Variants in PCDHGB3 observed in about 807,000 individuals in gnomAD.
PCDHGB3 encodes the protein protocadherin gamma subfamily B, 3.
In PCDHGB3, 40 loss-of-function variants were observed where a neutral mutation model predicts 59.2. The ratio of observed to expected loss-of-function variants is 0.68; its 90% CI spans 0.52 to 0.88. PCDHGB3 has a LOEUF of 0.88. Ranked by LOEUF, PCDHGB3 falls within the 40% of genes least tolerant of loss-of-function variation. PCDHGB3 has a pLI of 0.00. For synonymous variants in PCDHGB3, 581 were observed against 503.6 expected (o/e 1.15, Z -2.06); for missense variants, 1,309 against 1,187.9 (o/e 1.10, Z -1.50).
At chr5:141,399,398 G>T (rs1374441258) in intron 1 of PCDHGB3, 4 of 1,613,854 alleles carry the variant, frequency 2.5e-6, no homozygotes, top group Non-Finnish European at 3.4e-6. Flanking sequence ...ACAGACAGGG[G>T]CAAGCCGCCC....
At chr5:141,401,417 G>A (rs1404967672) in intron 1 of PCDHGB3, among the ~76,000 whole-genome samples, 1 of 152,136 alleles carries the variant, frequency 6.6e-6, no homozygotes, top group Non-Finnish European at 1.5e-5. Flanking sequence ...GAAAGAGAGA[G>A]ACTGATTCAC....
intron 1 of PCDHGB3, among the ~76,000 whole-genome samples, chr5:141,445,447 A>C (rs974383838): frequency 6.6e-6 from 1 of 152,222 alleles, no homozygotes; most frequent in Non-Finnish European, 1.5e-5. Flanking sequence ...TGGACTAAGG[A>C]TGCAGCAATG....
chr5:141,415,740 G>GTTTTTTTTTT lies in PCDHGB3; in HGVS notation c.2415+42954_2415+42963dup, dbSNP rs57426385. 90 of 625,044 alleles carry GTTTTTTTTTT rather than the reference G, an allele frequency of 1.4e-4. 1 individual carries two copies. The highest frequency in any genetic ancestry group is 4.1e-4 in the East Asian group (6 of 14,742). The allele number at this position is 625,044 out of a possible 1,614,324, so 38.7% of individuals were successfully genotyped here. On this transcript the variant is annotated intron_variant, in intron 1 of 3. Coordinates refer to ENST00000576222, the MANE Select transcript of PCDHGB3 (RefSeq NM_018924.5). ...TGAGTAGAATTTGATGTTTATTAAG[G>GTTTTTTTTTT]TTTTTTTTTTTTTTTTTTTTTTTTT...
At position 141,431,848 on chromosome 5, in the gene PCDHGB3, G is replaced by A. The variant is rs747401379; in HGVS notation, c.2415+59039G>A. 11 of 1,614,142 alleles carry A rather than the reference G, an allele frequency of 6.8e-6. No homozygotes were observed. The highest frequency in any genetic ancestry group is 2.2e-5 in the East Asian group (1 of 44,906). On this transcript the variant is annotated intron_variant, in intron 1 of 3. Coordinates refer to ENST00000576222, the MANE Select transcript of PCDHGB3 (RefSeq NM_018924.5). The surrounding 1 kb of genome is among the most constrained non-coding windows in gnomAD (Gnocchi z 4.8). ...CGGTTCCCGAAAACTCTCCCAGAGGGACATTAATTGCCCTTTTAAATGTAA... is the reference window on the plus strand; with the variant it reads ...CGGTTCCCGAAAACTCTCCCAGAGGAACATTAATTGCCCTTTTAAATGTAA...
intron 2 of PCDHGB3, among the ~76,000 whole-genome samples, chr5:141,495,279 G>C (rs72790069): frequency 0.027 from 4,092 of 152,256 alleles, 88 homozygotes; most frequent in Middle Eastern, 0.048. Flanking sequence ...CGGAGGAGGC[G>C]GTCCGCACTC....
At chr5:141,483,955 G>A (rs1244162791) in intron 1 of PCDHGB3, among the ~76,000 whole-genome samples, 1 of 144,218 alleles carries the variant, frequency 6.9e-6, no homozygotes, top group African/African-American at 2.6e-5. Flanking sequence ...ATTGTGTTGT[G>A]TTTCTGTGCT....
chr5:141,450,645 C>T (rs2098688869), intron 1 of PCDHGB3, among the ~76,000 whole-genome samples: 2 of 151,618 alleles, frequency 1.3e-5, no homozygotes, highest in Non-Finnish European at 2.9e-5. Context: ...TGCCACCATG[C>T]CTGGCTAATT....
chr5:141,376,002 A>G, intron 1 of PCDHGB3: 6 of 1,613,478 alleles, frequency 3.7e-6, no homozygotes, highest in Non-Finnish European at 5.1e-6. Flanking sequence ...GCGCTCAAGC[A>G]GAGCCTAGTG....
intron 1 of PCDHGB3, chr5:141,415,481 A>G: frequency 1.9e-6 from 3 of 1,614,114 alleles, no homozygotes; most frequent in Non-Finnish European, 1.7e-6. Flanking sequence ...GACTCGCGAA[A>G]GAGTCACCTG....
intron 1 of PCDHGB3, chr5:141,394,966 GC>G (rs1294759609): frequency 1.2e-6 from 2 of 1,613,886 alleles, no homozygotes; most frequent in Non-Finnish European, 1.7e-6. Context: ...AGGCTGAGGC[GC>G]TGGCACAAGT....
Position 141,390,867 on chromosome 5 carries a change from C to T in PCDHGB3, c.2415+18058C>T, listed in dbSNP as rs370388746. On this transcript the variant is annotated intron_variant, in intron 1 of 3. Transcript: ENST00000576222. Reference sequence around the variant, plus strand: ...TTATATGCAGTGTACGCTGTGTGTGCGTGTGTGTGTGTGTGTGTGTGAGAG... The same window carrying T: ...TTATATGCAGTGTACGCTGTGTGTGTGTGTGTGTGTGTGTGTGTGTGAGAG... The T allele has an allele frequency of 2.6e-4, 39 of 151,156 alleles. No homozygotes were observed. In the South Asian group the frequency reaches 4.4e-3, roughly 17 times the overall value. 9.4% of individuals were successfully genotyped at this position (151,156 alleles called of 1,614,324 possible).
chr5:141,421,207 A>G (rs1318794693), intron 1 of PCDHGB3: 3 of 1,533,934 alleles, frequency 2.0e-6, no homozygotes, highest in Non-Finnish European at 2.6e-6. Context: ...GAAACCGCGG[A>G]ATATCGGCTT....
chr5:141,399,590 T>G, intron 1 of PCDHGB3: 1 of 1,613,972 alleles, frequency 6.2e-7, no homozygotes, highest in East Asian at 2.2e-5. Context: ...TACTCTATCA[T>G]GGCCAGCGAC....
At chr5:141,381,635 G>A (rs528841837) in intron 1 of PCDHGB3, among the ~76,000 whole-genome samples, 1 of 152,276 alleles carries the variant, frequency 6.6e-6, no homozygotes, top group Non-Finnish European at 1.5e-5. Context: ...GCAGATTTCT[G>A]CCTTCTGTAG....
chr5:141,454,974 A>AT (rs2098808620), intron 1 of PCDHGB3, among the ~76,000 whole-genome samples: 1 of 151,182 alleles, frequency 6.6e-6, no homozygotes, highest in African/African-American at 2.4e-5. Context: ...CGCCTGGCTA[A>AT]TTTTTTAAAA....
At chr5:141,430,642 A>C in intron 1 of PCDHGB3, 2 of 918,498 alleles carry the variant, frequency 2.2e-6, no homozygotes, top group South Asian at 5.1e-5. Flanking sequence ...CCCTGGGAGT[A>C]TGTGGAAACA....
rs917165100 is a variant in PCDHGB3, at chr5:141,442,878, C to T, written c.2416-51929C>T. Among the ~76,000 whole-genome samples, 6 of 152,178 alleles carry T rather than the reference C, an allele frequency of 3.9e-5. No homozygotes were observed. In the South Asian group the frequency reaches 8.3e-4, roughly 21 times the overall value. The stretch of plus-strand genomic sequence containing the variant: ...GTATGAGAGATGTAAATTTACAACT[C>T]AGAATCCCTGCTTATCACTTCTCCT... On this transcript the variant is annotated intron_variant, in intron 1 of 3. Coordinates refer to ENST00000576222, the MANE Select transcript of PCDHGB3 (RefSeq NM_018924.5).
At chr5:141,389,859 C>A (rs1228335415) in intron 1 of PCDHGB3, 1 of 1,614,076 alleles carries the variant, frequency 6.2e-7, no homozygotes, top group Non-Finnish European at 8.5e-7. Flanking sequence ...TGCCACGTTG[C>A]ACCTGGTCTT....
At chr5:141,417,950 GAGCCGATCCGCT>G (rs1361985861) in intron 1 of PCDHGB3, 1 of 1,613,484 alleles carries the variant, frequency 6.2e-7, no homozygotes, top group African/African-American at 1.3e-5. Context: ...CACGCTGTGT[GAGCCGATCCGCT>G]ACTCGATTCC....
Sources: gnomAD v4.1 joint callset for allele counts (sites outside exome capture counted in the v4.1 genomes callset) on GRCh38, gnomAD v4.1.1 for gene constraint, Gnocchi (gnomAD v3.1) non-coding constraint, MANE v1.5 for transcripts, NCBI Gene and HGNC (gene_info 2026-07-23, HGNC 2026-07-21) for gene names.